HOGA1: variants seen among roughly 807,000 people sequenced by gnomAD.
HOGA1 encodes 4-hydroxy-2-oxoglutarate aldolase, mitochondrial.
In HOGA1, 30 loss-of-function variants were observed where a neutral mutation model predicts 34.3. The observed-to-expected ratio is 0.87, with a 90% confidence interval of 0.65 to 1.19. HOGA1 has a LOEUF of 1.19. Among genes scored for constraint, HOGA1 ranks in the 50% most tolerant of loss-of-function variants. HOGA1 has a pLI of 0.00. For missense variants in HOGA1, 417 were observed against 436.5 expected, an observed-to-expected ratio of 0.96 and a Z score of 0.40; for synonymous variants, 161 against 174.0, an observed-to-expected ratio of 0.93 and a Z score of 0.59.
chr10:97,602,659 C>T, intron 6 of HOGA1: 1 of 791,234 alleles, frequency 1.3e-6, no homozygotes, highest in Non-Finnish European at 1.5e-6. Context: ...TCCTTTCTGT[C>T]TTTCTTTCTC....
chr10:97,611,566 C>T lies in HOGA1; in HGVS notation c.891C>T (p.Tyr297=), dbSNP rs1235484077. ...AGAAAATCATGGACTGGTTTGGCTA[C>T]TATGGAGGCCCCTGCCGCGCCCCCT... ...GLKKIMDWFG[Y]YGGPCRAPLQ... The change falls in exon 7 of 7, where the codon TAC becomes TAT. Residue 297 remains tyrosine, a synonymous_variant. Coordinates refer to ENST00000370646, the MANE Select transcript of HOGA1 (RefSeq NM_138413.4). The T allele has an allele frequency of 6.2e-7, 1 of 1,614,130 alleles. No individual in the cohort carries two copies. Among genetic ancestry groups the T allele is most frequent in the African/African-American group, 1.3e-5 (1 of 74,938 alleles).
rs1449032145 is a variant in HOGA1 at position 97,592,263 on chromosome 10, CG to C, written c.212-6510del. ...TACTTTTTTTTTTTTTTTTTTGAGA[CG>C]GAGTCTTGCTCTGTGGCCCAGGCTG... is the stretch of plus-strand genomic sequence containing the variant. On this transcript the variant is annotated intron_variant, in intron 1 of 6. Transcript: ENST00000370646. Among the ~76,000 whole-genome samples, 4 of 120,362 alleles carry C rather than the reference CG, an allele frequency of 3.3e-5. No homozygotes were observed. In the East Asian group the frequency reaches 9.8e-4, roughly 29 times the overall value. 79.0% of individuals were successfully genotyped at this position (120,362 alleles called of 152,430 possible).
intron 6 of HOGA1, 45 bp from the exon 7 acceptor site, chr10:97,611,465 G>A (rs1347653901): frequency 1.2e-6 from 2 of 1,611,952 alleles, no homozygotes; most frequent in Admixed American, 1.7e-5. Flanking sequence ...AGATATGGGT[G>A]TTCAGCAAAT....
chr10:97,591,350 C>A (rs1159203782), intron 1 of HOGA1, among the ~76,000 whole-genome samples: 1 of 152,154 alleles, frequency 6.6e-6, no homozygotes, highest in African/African-American at 2.4e-5. Flanking sequence ...CATGTTAGTA[C>A]CTCCCCACCA....
chr10:97,584,834 C>G lies in HOGA1; in HGVS notation c.131C>G (p.Thr44Ser). ...GCGGGTATCTACCCCCCTGTGACCA[C>G]CCCCTTCACTGCCACTGCAGAGGTG... ...DIAGIYPPVTTPFTATAEVDY... is the reference protein window; with the variant it reads ...DIAGIYPPVTSPFTATAEVDY... Residue 44 changes from threonine (T) to serine (S), a missense_variant, in exon 1 of 7, where the codon ACC becomes AGC. Coordinates refer to ENST00000370646, the MANE Select transcript of HOGA1 (RefSeq NM_138413.4). The G allele has an allele frequency of 6.2e-7, 1 of 1,614,082 alleles. No individual in the cohort carries two copies. The highest frequency in any genetic ancestry group is 8.5e-7 in the Non-Finnish European group (1 of 1,179,970).
At chr10:97,610,506 C>A (rs1052897827) in intron 6 of HOGA1, among the ~76,000 whole-genome samples, 1 of 151,980 alleles carries the variant, frequency 6.6e-6, no homozygotes, top group African/African-American at 2.4e-5. Flanking sequence ...TAAATTATTA[C>A]GGGTGCAGTG....
chr10:97,599,600 C>T, intron 3 of HOGA1, 80 bp from the exon 4 acceptor site: 2 of 1,580,994 alleles, frequency 1.3e-6, no homozygotes, highest in Non-Finnish European at 8.7e-7. Flanking sequence ...CAGGCTGGGA[C>T]CTGTGGGTGG....
intron 6 of HOGA1, 64 bp from the exon 7 acceptor site, chr10:97,611,446 C>G (rs2041194939): frequency 6.3e-7 from 1 of 1,581,602 alleles, no homozygotes; most frequent in Non-Finnish European, 8.7e-7. Context: ...TGACAGATCT[C>G]CGAGTTCCAG....
chr10:97,595,384 C>T (rs960262650), intron 1 of HOGA1, among the ~76,000 whole-genome samples: 1 of 152,182 alleles, frequency 6.6e-6, no homozygotes, highest in Non-Finnish European at 1.5e-5. Context: ...TAAATAGTAT[C>T]TCATTTAAAC....
intron 1 of HOGA1, chr10:97,590,721 T>G: frequency 1.4e-6 from 1 of 709,416 alleles, no homozygotes; most frequent in Middle Eastern, 4.0e-4. Context: ...TTTCTTAGGC[T>G]CCTCACGGGG....
intron 6 of HOGA1, among the ~76,000 whole-genome samples, chr10:97,605,350 G>T (rs2041149563): frequency 6.6e-6 from 1 of 151,492 alleles, no homozygotes; most frequent in Admixed American, 6.6e-5. Context: ...GGTTGAGGCT[G>T]CAGTGAGCTG....
intron 1 of HOGA1, among the ~76,000 whole-genome samples, chr10:97,596,278 G>A (rs2041070771): frequency 6.6e-6 from 1 of 152,202 alleles, no homozygotes. Context: ...GCAAGCCTCA[G>A]CTGTCCTGCT....
chr10:97,608,840 G>A (rs1202207998), intron 6 of HOGA1, among the ~76,000 whole-genome samples: 1 of 151,902 alleles, frequency 6.6e-6, no homozygotes, highest in Non-Finnish European at 1.5e-5. Context: ...TACTTATTTT[G>A]ATGATTGAGA....
Position 97,595,693 on chromosome 10 carries a change from T to TCAAAA in HOGA1, c.212-3065_212-3061dup, listed in dbSNP as rs960419849. ...CTGGGCAACAGAGTGAGACTCTGTC[T>TCAAAA]CAAAACAAAACAAAACAAAACTCTG... On this transcript the variant is annotated intron_variant, in intron 1 of 6. Coordinates refer to ENST00000370646, the MANE Select transcript of HOGA1 (RefSeq NM_138413.4). Among the ~76,000 whole-genome samples the TCAAAA allele has an allele frequency of 7.2e-5, 11 of 152,206 alleles. No homozygotes were observed. The East Asian group carries it at 7.7e-4, about 11-fold the overall frequency.
intron 1 of HOGA1, among the ~76,000 whole-genome samples, chr10:97,594,266 C>T (rs2041051968): frequency 1.3e-5 from 2 of 151,558 alleles, no homozygotes; most frequent in South Asian, 4.2e-4. Flanking sequence ...ACCTCCACCT[C>T]CCAGGCTTAA....
chr10:97,590,486 C>A, intron 1 of HOGA1: 1 of 1,613,476 alleles, frequency 6.2e-7, no homozygotes, highest in African/African-American at 1.3e-5. Flanking sequence ...CAATCACACA[C>A]ACACCTTCTA....
chr10:97,597,057 C>T (rs1190082069), intron 1 of HOGA1, among the ~76,000 whole-genome samples: 1 of 151,908 alleles, frequency 6.6e-6, no homozygotes, highest in Non-Finnish European at 1.5e-5. Flanking sequence ...CTTTGTATAC[C>T]AATACTGCTT....
At chr10:97,601,114 T>A (rs981501493) in intron 5 of HOGA1, among the ~76,000 whole-genome samples, 9 of 152,200 alleles carry the variant, frequency 5.9e-5, no homozygotes, top group Non-Finnish European at 1.0e-4. Flanking sequence ...CATGCTGCTG[T>A]AGCGCGCCTG....
intron 6 of HOGA1, among the ~76,000 whole-genome samples, chr10:97,609,555 C>G (rs2041180976): frequency 6.6e-6 from 1 of 152,128 alleles, no homozygotes; most frequent in African/African-American, 2.4e-5. Flanking sequence ...GCTCAGACAC[C>G]CCGAGAACAG....
Sources: gnomAD v4.1 joint callset for allele counts (sites outside exome capture counted in the v4.1 genomes callset) on GRCh38, gnomAD v4.1.1 for gene constraint, MANE v1.5 for transcripts, NCBI Gene and HGNC (gene_info 2026-07-23, HGNC 2026-07-21) for gene names.